The following FHIT variants were observed in gnomAD, a reference collection of about 807,000 sequenced individuals.
FHIT encodes bis(5'-adenosyl)-triphosphatase.
A neutral mutation model predicts 17.9 loss-of-function variants in FHIT; 19 were observed. That is an observed-to-expected ratio of 1.06 (90% CI 0.74 to 1.56). The LOEUF is 1.56. FHIT is among the 40% of genes most tolerant of loss of function. FHIT has a pLI of 0.00. For missense variants in FHIT, 248 were observed against 189.2 expected (o/e 1.31, Z -1.82); for synonymous variants, 81 against 69.7 (o/e 1.16, Z -0.81).
chr3:60,024,125 A>T (rs1700652409), intron 5 of FHIT, among the ~76,000 whole-genome samples: 1 of 152,226 alleles, frequency 6.6e-6, no homozygotes, highest in Non-Finnish European at 1.5e-5. Flanking sequence ...AAACTTCAGA[A>T]CTATTAACTC....
chr3:61,099,376 G>GTT (rs141820075), intron 2 of FHIT, among the ~76,000 whole-genome samples: 70 of 151,024 alleles, frequency 4.6e-4, no homozygotes, highest in African/African-American at 1.7e-3. Context: ...TTGGCCTGCA[G>GTT]TTTTTTTTTG....
At chr3:60,611,904 G>T (rs1482562985) in intron 4 of FHIT, among the ~76,000 whole-genome samples, 3 of 152,108 alleles carry the variant, frequency 2.0e-5, no homozygotes, top group Admixed American at 2.0e-4. Context: ...GGACATTTTG[G>T]CTCTGTTCTA....
chr3:60,938,005 A>C lies in FHIT; in HGVS notation c.-111+104042T>G, dbSNP rs1388490926. Among the ~76,000 whole-genome samples the C allele has an allele frequency of 1.4e-4, 22 of 152,242 alleles. No homozygotes were observed. In the South Asian group the frequency reaches 4.4e-3, roughly 30 times the overall value. On this transcript the variant is annotated intron_variant, in intron 3 of 9. Transcript: ENST00000492590. ...AAGGCCTGAGGGACTCTGTTTCTCTACAGGTCAGCTCCAAAGCAGAGGGCC... is the reference window on the plus strand; with the variant it reads ...AAGGCCTGAGGGACTCTGTTTCTCTCCAGGTCAGCTCCAAAGCAGAGGGCC...
At position 59,775,356 on chromosome 3, in the gene FHIT, G is replaced by A. The variant is rs372317183; in HGVS notation, c.349-23035C>T. ...CTGTAGTGACCAGGCCACAGGCTCC[G>A]GCAGATGCAGAAGGTCTGAAAATCT... is the stretch of plus-strand genomic sequence containing the variant. On this transcript the variant is annotated intron_variant, in intron 8 of 9. Transcript: ENST00000492590. Among the ~76,000 whole-genome samples the A allele has an allele frequency of 3.1e-3, 466 of 152,222 alleles. 3 individuals carry two copies. Among genetic ancestry groups the A allele is most frequent in the Non-Finnish European group, 4.2e-3 (284 of 68,014 alleles).
intron 5 of FHIT, among the ~76,000 whole-genome samples, chr3:60,150,345 T>TAC (rs2107328078): frequency 6.6e-6 from 1 of 152,238 alleles, no homozygotes; most frequent in Admixed American, 6.5e-5. Context: ...CTGTAATTTC[T>TAC]CCTTGGGTAT....
intron 4 of FHIT, among the ~76,000 whole-genome samples, chr3:60,574,203 G>T (rs1480810259): frequency 1.3e-5 from 2 of 152,088 alleles, no homozygotes; most frequent in African/African-American, 4.8e-5. Flanking sequence ...GAGTTTGGAA[G>T]CTTTTCAAGA....
intron 3 of FHIT, among the ~76,000 whole-genome samples, chr3:60,952,033 G>A (rs1481879688): frequency 1.3e-5 from 2 of 152,050 alleles, no homozygotes; most frequent in Admixed American, 1.3e-4. Context: ...GGGCATGGTG[G>A]CGGGCACCTG....
intron 7 of FHIT, among the ~76,000 whole-genome samples, chr3:59,986,341 G>T (rs1017141868): frequency 6.6e-6 from 1 of 150,884 alleles, no homozygotes; most frequent in African/African-American, 2.4e-5. Context: ...GTACAAAGAA[G>T]GATTAAGATT....
intron 4 of FHIT, among the ~76,000 whole-genome samples, chr3:60,605,886 T>A (rs2038592127): frequency 6.6e-6 from 1 of 152,148 alleles, no homozygotes; most frequent in South Asian, 2.1e-4. Flanking sequence ...ACTTTGAACA[T>A]GTGAATGTCC....
Position 60,277,710 on chromosome 3 carries a change from T to A in FHIT, c.103+259150A>T, listed in dbSNP as rs569061460. Among the ~76,000 whole-genome samples the A allele has an allele frequency of 6.6e-5, 10 of 152,178 alleles. No individual in the cohort carries two copies. The South Asian group carries it at 2.1e-3, about 32-fold the overall frequency. ...AATGCACTCTGCCACAGGCTGGAAG[T>A]CTCATTCAGGCACCCTTTTCTCTCT... On this transcript the variant is annotated intron_variant, in intron 5 of 9. Transcript: ENST00000492590.
At chr3:60,269,402 C>G (rs1182654910) in intron 5 of FHIT, among the ~76,000 whole-genome samples, 1 of 152,188 alleles carries the variant, frequency 6.6e-6, no homozygotes, top group African/African-American at 2.4e-5. Flanking sequence ...GCTAAACTGT[C>G]CTGGATCACC....
At chr3:59,798,119 C>A (rs1699852267) in intron 8 of FHIT, among the ~76,000 whole-genome samples, 1 of 152,286 alleles carries the variant, frequency 6.6e-6, no homozygotes, top group East Asian at 1.9e-4. Flanking sequence ...AGAACCATAA[C>A]CTCCTAAACC....
At chr3:60,471,588 G>A (rs2033091658) in intron 5 of FHIT, among the ~76,000 whole-genome samples, 2 of 152,148 alleles carry the variant, frequency 1.3e-5, no homozygotes, top group South Asian at 2.1e-4. Context: ...CAGGAGAATG[G>A]CGGAATGGTG....
At chr3:59,824,266 T>G (rs894075967) in intron 8 of FHIT, among the ~76,000 whole-genome samples, 1 of 151,866 alleles carries the variant, frequency 6.6e-6, no homozygotes, top group South Asian at 2.1e-4. Context: ...AGAGAGAGTG[T>G]TAAAGAAGAA....
At chr3:60,150,331 G>A (rs753316054) in intron 5 of FHIT, among the ~76,000 whole-genome samples, 10 of 152,084 alleles carry the variant, frequency 6.6e-5, no homozygotes, top group Admixed American at 2.6e-4. Context: ...TTAGGAATAC[G>A]GTACTGTAAT....
intron 5 of FHIT, among the ~76,000 whole-genome samples, chr3:60,060,500 C>CT (rs1702254989): frequency 6.6e-6 from 1 of 152,192 alleles, no homozygotes; most frequent in Non-Finnish European, 1.5e-5. Context: ...GTATTAACTA[C>CT]TTTATGTGTC....
In FHIT at chr3:60,378,652, A is replaced by G. The variant is rs867629921; in HGVS notation, c.103+158208T>C. On this transcript the variant is annotated intron_variant, in intron 5 of 9. Transcript: ENST00000492590. ...CACAGATTTAACATGTCAAACTAAT[A>G]TGATAAAATTATTTTGCTACTATGG... Among the ~76,000 whole-genome samples the G allele has an allele frequency of 2.0e-5, 3 of 152,240 alleles. No homozygotes were observed. In the South Asian group the frequency reaches 6.2e-4, roughly 31 times the overall value.
rs144084311 is a variant in FHIT at position 61,042,404 on chromosome 3, T to A, written c.-163-305A>T. On this transcript the variant is annotated intron_variant, in intron 2 of 9. Coordinates refer to ENST00000492590, the MANE Select transcript of FHIT (RefSeq NM_002012.4). ...TGTTCAAAGATGAAATCATAAGCAG[T>A]ATGGAACCTCGGAGGTAAGTTGGGG... 6.4e-3 allele frequency among the ~76,000 whole-genome samples: 970 copies of A among 152,194 alleles called. 4 individuals are homozygous for A. Among genetic ancestry groups the A allele is most frequent in the South Asian group, 0.028 (137 of 4,818 alleles).
At chr3:59,772,738 G>A (rs1702129145) in intron 8 of FHIT, among the ~76,000 whole-genome samples, 2 of 152,158 alleles carry the variant, frequency 1.3e-5, no homozygotes, top group South Asian at 2.1e-4. Flanking sequence ...GGAGGTGTGG[G>A]GTTTGCAGGG....
Sources: allele counts gnomAD v4.1 joint callset (sites outside exome capture counted in the v4.1 genomes callset), GRCh38; gene constraint gnomAD v4.1.1; transcripts MANE v1.5; gene names NCBI Gene and HGNC (gene_info 2026-07-23, HGNC 2026-07-21).